CFAP184: variants seen among roughly 807,000 people sequenced by gnomAD.
CFAP184 encodes cilia and flagella associated protein 184.
chr4:7,041,119 A>G, the CFAP184 span: 18 of 1,226,276 alleles, frequency 1.5e-5, 1 homozygote, highest in South Asian at 3.9e-4. Context: ...TGGGCTCAGC[A>G]CTGATTTGGA....
the CFAP184 span, chr4:7,042,327 C>T: frequency 1.2e-6 from 2 of 1,601,164 alleles, no homozygotes; most frequent in African/African-American, 1.3e-5. Flanking sequence ...CAAACTCGTC[C>T]CTTCCATAGA....
chr4:7,042,753 G>A, the CFAP184 span: 2 of 1,528,898 alleles, frequency 1.3e-6, no homozygotes, highest in East Asian at 2.5e-5. Context: ...GCTCGTCCGC[G>A]GCGGTGCCTC....
chr4:7,042,407 C>T, the CFAP184 span: 2 of 1,612,262 alleles, frequency 1.2e-6, no homozygotes, highest in Admixed American at 1.7e-5. Context: ...TCCGCGCCGT[C>T]TCTCTGCGTC....
At chr4:7,042,107 G>T in the CFAP184 span, 1 of 1,608,408 alleles carries the variant, frequency 6.2e-7, no homozygotes. Context: ...TCTTTCTCGG[G>T]GGCCTCGGCC....
the CFAP184 span, chr4:7,041,460 G>A: frequency 6.2e-7 from 1 of 1,614,232 alleles, no homozygotes; most frequent in African/African-American, 1.3e-5. Flanking sequence ...GATTCAGTCT[G>A]ATGTTGTCCG....
chr4:7,041,601 C>T, the CFAP184 span: 8 of 1,614,138 alleles, frequency 5.0e-6, no homozygotes, highest in Non-Finnish European at 6.8e-6. Flanking sequence ...GCTTTTCCTT[C>T]ACGTGGGTTA....
the CFAP184 span, chr4:7,041,778 C>A: frequency 6.2e-7 from 1 of 1,612,702 alleles, no homozygotes; most frequent in Non-Finnish European, 8.5e-7. Flanking sequence ...TTTCAAAATG[C>A]ACCAGGCTCT....
At chr4:7,042,176 C>G in the CFAP184 span, 2 of 1,599,190 alleles carry the variant, frequency 1.3e-6, no homozygotes, top group Non-Finnish European at 1.7e-6. Context: ...CGCAGCGCCT[C>G]GAAGATCTTG....
chr4:7,042,091 G>T, the CFAP184 span: 1 of 1,609,600 alleles, frequency 6.2e-7, no homozygotes. Flanking sequence ...GCGCAGGTAC[G>T]CTTGCTCTTT....
At chr4:7,041,958 C>A in the CFAP184 span, 2 of 1,612,628 alleles carry the variant, frequency 1.2e-6, no homozygotes, top group South Asian at 2.2e-5. Context: ...GGAAGCGTCG[C>A]CACTCCTTCT....
At chr4:7,042,812 G>T in the CFAP184 span, 1 of 1,564,408 alleles carries the variant, frequency 6.4e-7, no homozygotes. Flanking sequence ...TCCGACTCCA[G>T]CTCCCCGGGT....
the CFAP184 span, chr4:7,041,778 C>T: frequency 6.2e-7 from 1 of 1,612,702 alleles, no homozygotes. Flanking sequence ...TTTCAAAATG[C>T]ACCAGGCTCT....
At chr4:7,041,064 G>A in the CFAP184 span, 1 of 582,214 alleles carries the variant, frequency 1.7e-6, no homozygotes, top group South Asian at 4.5e-5. Context: ...TTGCTTTTCT[G>A]GACCTATTTT....
At chr4:7,041,618 G>C in the CFAP184 span, 8 of 1,614,198 alleles carry the variant, frequency 5.0e-6, no homozygotes, top group Non-Finnish European at 8.5e-7. Context: ...GTTATTACTT[G>C]CACACTGTTG....
the CFAP184 span, chr4:7,042,123 G>A: frequency 6.2e-7 from 1 of 1,606,634 alleles, no homozygotes; most frequent in Non-Finnish European, 8.5e-7. Context: ...CGGCCTCTGC[G>A]CCCCGGTCAG....
the CFAP184 span, chr4:7,042,124 C>A: frequency 6.5e-5 from 104 of 1,606,696 alleles, 1 homozygote; most frequent in Non-Finnish European, 8.0e-5. Flanking sequence ...GGCCTCTGCG[C>A]CCCGGTCAGC....
At chr4:7,042,257 G>A in the CFAP184 span, 3 of 1,594,806 alleles carry the variant, frequency 1.9e-6, no homozygotes, top group South Asian at 2.2e-5. Flanking sequence ...TGGTCCAGGA[G>A]GTCGCTGCGC....
the CFAP184 span, chr4:7,041,097 C>A: frequency 1.0e-6 from 1 of 997,866 alleles, no homozygotes; most frequent in Non-Finnish European, 1.4e-6. Flanking sequence ...GATAAAACTC[C>A]TAACCCAGGT....
chr4:7,041,829 C>T, the CFAP184 span: 2 of 1,610,130 alleles, frequency 1.2e-6, no homozygotes, highest in South Asian at 1.1e-5. Context: ...CGCTCATCTC[C>T]TTCTCCTTTT....
Sources: gnomAD v4.1 joint callset for allele counts on GRCh38, gnomAD v4.1.1 for gene constraint, MANE v1.5 for transcripts, NCBI Gene and HGNC (gene_info 2026-07-23, HGNC 2026-07-21) for gene names.